Variants in LARS1 observed in about 807,000 individuals in gnomAD.
The protein encoded by LARS1 is leucine--tRNA ligase, cytoplasmic.
In LARS1, 100 loss-of-function variants were observed where a neutral mutation model predicts 162.8. The observed-to-expected ratio is 0.61, with a 90% CI of 0.52 to 0.73. The LOEUF is 0.73. LARS1 is among the 30% of genes least tolerant of loss of function. The pLI, the probability that LARS1 is intolerant of heterozygous loss-of-function variation, is 0.00. For synonymous variants in LARS1, 457 were observed against 462.8 expected (o/e 0.99, Z 0.16); for missense variants, 1,258 against 1,408.9 (o/e 0.89, Z 1.71).
At chr5:146,137,472 T>C (rs1752565275) in intron 21 of LARS1, among the ~76,000 whole-genome samples, 1 of 152,142 alleles carries the variant, frequency 6.6e-6, no homozygotes, top group Non-Finnish European at 1.5e-5. Flanking sequence ...TAAAGTACTA[T>C]GCAGTCTGTT....
chr5:146,113,832 A>G lies in LARS1; in HGVS notation c.*274T>C. ...TGACACTTTTATGTTCATCTTAAAA[A>G]CCAGAAACTTCTAGGAAATAGCAAC... On this transcript the variant is annotated 3_prime_UTR_variant, in exon 32 of 32. Coordinates refer to ENST00000394434, the MANE Select transcript of LARS1 (RefSeq NM_020117.11). 1 of 392,914 alleles carries G rather than the reference A, an allele frequency of 2.5e-6. No homozygotes were observed. The highest frequency in any genetic ancestry group is 4.6e-6 in the Non-Finnish European group (1 of 216,456). The allele number at this position is 392,914 out of a possible 1,614,324, so 24.3% of individuals were successfully genotyped here. A position where few individuals can be genotyped will look rare whatever the true frequency, so the allele number is the denominator to read the frequency against.
chr5:146,168,008 A>C, intron 5 of LARS1, 120 bp downstream of exon 5: 2 of 867,552 alleles, frequency 2.3e-6, no homozygotes, highest in Non-Finnish European at 3.4e-6. Flanking sequence ...TTGCTTTGAT[A>C]CTTTAAAAAA....
chr5:146,181,466 A>G (rs1754836777), intron 1 of LARS1, among the ~76,000 whole-genome samples: 1 of 152,056 alleles, frequency 6.6e-6, no homozygotes, highest in African/African-American at 2.4e-5. Flanking sequence ...GCTTGACCCC[A>G]GGAGTTCGAA....
rs372545309 is a variant in LARS1 at position 146,177,437 on chromosome 5, G to A, written c.125+110C>T. Reference sequence around the variant, plus strand: ...GCCGAGATTGCGCCACTGCACTCCAGCCTGGGCGACAGAGCAAGACTCCGT... The same window carrying A: ...GCCGAGATTGCGCCACTGCACTCCAACCTGGGCGACAGAGCAAGACTCCGT... On this transcript the variant is annotated intron_variant, in intron 2 of 31. Coordinates refer to ENST00000394434, the MANE Select transcript of LARS1 (RefSeq NM_020117.11). 3.1e-3 allele frequency: 440 copies of A among 142,192 alleles called. 2 individuals carry two copies. The highest frequency in any genetic ancestry group is 0.012 in the African/African-American group (409 of 33,962). The allele number at this position is 142,192 out of a possible 1,614,324, so 8.8% of individuals were successfully genotyped here.
At chr5:146,137,112 G>C (rs1192254169) in intron 21 of LARS1, among the ~76,000 whole-genome samples, 1 of 152,086 alleles carries the variant, frequency 6.6e-6, no homozygotes, top group Non-Finnish European at 1.5e-5. Flanking sequence ...CGGCCAGGCT[G>C]GTCTTGAACT....
chr5:146,166,374 A>G (rs1483842363), intron 5 of LARS1, among the ~76,000 whole-genome samples: 4 of 152,200 alleles, frequency 2.6e-5, no homozygotes, highest in Admixed American at 2.0e-4. Flanking sequence ...ACAATTTGAC[A>G]ACAAATTACG....
chr5:146,178,561 C>T (rs1276705854), intron 1 of LARS1, among the ~76,000 whole-genome samples: 1 of 151,802 alleles, frequency 6.6e-6, no homozygotes, highest in Non-Finnish European at 1.5e-5. Context: ...TTGCAGTGAG[C>T]CAAGATTGCA....
Position 146,132,909 on chromosome 5 carries a change from T to C in LARS1, c.2385A>G (p.Arg795=), listed in dbSNP as rs1373806427. The C allele has an allele frequency of 2.5e-6, 4 of 1,612,718 alleles. No individual in the cohort carries two copies. The Admixed American group carries it at 6.7e-5, about 27-fold the overall frequency. Residue 795 remains arginine (R), a synonymous_variant, in exon 23 of 32, where the codon AGA becomes AGG. Transcript: ENST00000394434. The stretch of plus-strand genomic sequence containing the variant: ...GATCTACAGATTACCTGGCAAAAAC[T>C]CTATCATTGAAAGTGCTGGCAGGAC... ...RSGPASTFND[R]VFASELNAGI... is the part of the protein sequence containing the mutation.
chr5:146,129,525 T>C (rs1237712468), intron 25 of LARS1, among the ~76,000 whole-genome samples: 2 of 152,230 alleles, frequency 1.3e-5, no homozygotes, highest in Non-Finnish European at 2.9e-5. Flanking sequence ...GTATTGTTCA[T>C]GCATTTAAAA....
At chr5:146,142,551 C>T (rs993729698) in intron 20 of LARS1, among the ~76,000 whole-genome samples, 2 of 152,114 alleles carry the variant, frequency 1.3e-5, no homozygotes, top group African/African-American at 2.4e-5. Flanking sequence ...AACCTTGGGG[C>T]GCTCTGCTCT....
chr5:146,127,208 A>G (rs1752084436), intron 27 of LARS1, among the ~76,000 whole-genome samples: 1 of 152,092 alleles, frequency 6.6e-6, no homozygotes, highest in Non-Finnish European at 1.5e-5. Context: ...TCTAAATGAA[A>G]AGGAACATAT....
chr5:146,132,291 C>G (rs1023617236), intron 23 of LARS1: 1 of 151,734 alleles, frequency 6.6e-6, no homozygotes, highest in Non-Finnish European at 1.5e-5. Context: ...AGTGACAGTG[C>G]GAGACTCTGT....
rs1466001429 is a variant in LARS1, at chr5:146,144,493, T to C, written c.1634A>G (p.Gln545Arg). The change falls in exon 17 of 32, where the codon CAG becomes CGG. Residue 545 changes from glutamine to arginine, a missense_variant. Transcript: ENST00000394434. ...TTACGTTTCCAGGTTCTTCAAGCAC[T>C]GAGATGTCTGTTTCTTCCAATTCTC... ...GEENWKKQTS[Q>R]CLKNLETFCE... The C allele has an allele frequency of 6.2e-7, 1 of 1,613,562 alleles. No individual in the cohort carries two copies. Among genetic ancestry groups the C allele is most frequent in the East Asian group, 2.2e-5 (1 of 44,876 alleles).
chr5:146,115,062 A>C (rs1010254263), intron 31 of LARS1, among the ~76,000 whole-genome samples: 1 of 143,136 alleles, frequency 7.0e-6, no homozygotes, highest in African/African-American at 3.0e-5. Flanking sequence ...AAAAAAAAAA[A>C]AAAAACAATC....
At chr5:146,120,206 C>G (rs1410886394) in intron 31 of LARS1, 165 bp downstream of exon 31, 27 of 724,924 alleles carry the variant, frequency 3.7e-5, no homozygotes, top group Admixed American at 5.7e-5. Flanking sequence ...TACCTAGCCA[C>G]AGAGTCCCAA....
chr5:146,158,974 T>C (rs892636720), intron 8 of LARS1, among the ~76,000 whole-genome samples: 1 of 151,840 alleles, frequency 6.6e-6, no homozygotes, highest in Non-Finnish European at 1.5e-5. Context: ...TGGGCACCTG[T>C]AGTCCCAGCT....
At chr5:146,174,562 A>G (rs148774605) in intron 2 of LARS1, among the ~76,000 whole-genome samples, 3,965 of 69,068 alleles carry the variant, frequency 0.057, 166 homozygotes, top group Non-Finnish European at 0.093. Context: ...ATCCATATAT[A>G]TATATATCCA....
intron 27 of LARS1, among the ~76,000 whole-genome samples, chr5:146,127,214 C>T (rs1752084545): frequency 6.6e-6 from 1 of 151,958 alleles, no homozygotes; most frequent in Non-Finnish European, 1.5e-5. Flanking sequence ...TGAAAAGGAA[C>T]ATATAATACA....
intron 15 of LARS1, among the ~76,000 whole-genome samples, chr5:146,145,414 T>C (rs1752968261): frequency 7.0e-6 from 1 of 142,384 alleles, no homozygotes; most frequent in South Asian, 2.2e-4. Context: ...TATAAACTAC[T>C]GCTTAAGAAA....
Sources: allele counts gnomAD v4.1 joint callset (sites outside exome capture counted in the v4.1 genomes callset), GRCh38; gene constraint gnomAD v4.1.1; transcripts MANE v1.5; gene names NCBI Gene and HGNC (gene_info 2026-07-23, HGNC 2026-07-21).